Variants in PRKD1 observed in about 807,000 individuals in gnomAD.
PRKD1 encodes protein kinase D1.
In PRKD1, 63 loss-of-function variants were observed where a neutral mutation model predicts 95.9. That is an observed-to-expected ratio of 0.66 (90% CI 0.54 to 0.81). The LOEUF is 0.81. Among genes scored for constraint, PRKD1 ranks in the 30% least tolerant of loss-of-function variants. PRKD1 has a pLI of 0.00. For synonymous variants in PRKD1, 425 were observed against 423.1 expected (o/e 1.00, Z -0.05); for missense variants, 1,048 against 1,165.3 (o/e 0.90, Z 1.47).
chr14:29,742,403 G>A (rs1887018995), intron 1 of PRKD1, among the ~76,000 whole-genome samples: 2 of 152,136 alleles, frequency 1.3e-5, no homozygotes, highest in Admixed American at 1.3e-4. Context: ...TGTATTAAAA[G>A]GGTATCTGCA....
At chr14:29,609,103 C>T (rs1878236151) in intron 13 of PRKD1, among the ~76,000 whole-genome samples, 1 of 152,098 alleles carries the variant, frequency 6.6e-6, no homozygotes, top group African/African-American at 2.4e-5. Flanking sequence ...TCCGAGGATT[C>T]AGAAATTCTC....
At chr14:29,712,190 T>C (rs1460931059) in intron 2 of PRKD1, among the ~76,000 whole-genome samples, 2 of 152,138 alleles carry the variant, frequency 1.3e-5, no homozygotes, top group Admixed American at 6.6e-5. Flanking sequence ...AAGGTAGTTT[T>C]TGGATTTCAT....
At position 29,577,127 on chromosome 14, in the gene PRKD1, C is replaced by T. The variant is rs377013834; in HGVS notation, c.*111G>A. ...ATCAACAGTGCTAACAGTTTAACAG[C>T]TTTGTTCTCATCTGACAGAAAATAA... On this transcript the variant is annotated 3_prime_UTR_variant, in exon 18 of 18. Coordinates refer to ENST00000331968, the MANE Select transcript of PRKD1 (RefSeq NM_002742.3). 518 of 1,139,244 alleles carry T rather than the reference C, an allele frequency of 4.5e-4. No homozygotes were observed. The Middle Eastern group carries it at 4.7e-3, about 10-fold the overall frequency. 70.6% of individuals were successfully genotyped at this position (1,139,244 alleles called of 1,614,324 possible). A position where few individuals can be genotyped will look rare whatever the true frequency, so the allele number is the denominator to read the frequency against.
At chr14:29,671,571 T>C (rs1386305224) in intron 2 of PRKD1, among the ~76,000 whole-genome samples, 2 of 150,072 alleles carry the variant, frequency 1.3e-5, no homozygotes, top group Admixed American at 6.7e-5. Context: ...TTTTTATCTT[T>C]TCTAGAAAAA....
chr14:29,593,143 C>T (rs930816560), intron 16 of PRKD1, among the ~76,000 whole-genome samples: 2 of 152,084 alleles, frequency 1.3e-5, no homozygotes, highest in African/African-American at 2.4e-5. Context: ...AACGAATTCA[C>T]ATATGAGTGT....
chr14:29,883,195 T>C (rs745887476), intron 1 of PRKD1, among the ~76,000 whole-genome samples: 4 of 152,124 alleles, frequency 2.6e-5, no homozygotes, highest in Non-Finnish European at 4.4e-5. Context: ...TATTCATTAT[T>C]GCAAGAACAG....
intron 1 of PRKD1, among the ~76,000 whole-genome samples, chr14:29,787,403 T>G (rs1484874423): frequency 2.6e-5 from 4 of 152,052 alleles, no homozygotes; most frequent in Non-Finnish European, 5.9e-5. Context: ...TCACTCTAGA[T>G]GATCTTTCCA....
In PRKD1 at chr14:29,577,649, C is replaced by T. The variant is rs536164727; in HGVS notation, c.2521-193G>A. Among the ~76,000 whole-genome samples the T allele has an allele frequency of 3.7e-4, 56 of 152,262 alleles. 1 individual carries two copies. Among genetic ancestry groups the T allele is most frequent in the Middle Eastern group, 6.8e-3 (2 of 294 alleles). ...CCTATTTGTCTAACCTTTGCAAATA[C>T]ATACTGTTTATAAGATAGCATGGAT... On this transcript the variant is annotated intron_variant, in intron 17 of 17. Coordinates refer to ENST00000331968, the MANE Select transcript of PRKD1 (RefSeq NM_002742.3).
intron 1 of PRKD1, among the ~76,000 whole-genome samples, chr14:29,734,317 G>A (rs968996408): frequency 5.3e-5 from 8 of 151,842 alleles, no homozygotes; most frequent in Non-Finnish European, 8.8e-5. Flanking sequence ...TGGTATTACG[G>A]GTGTGAGCCA....
chr14:29,817,804 A>T (rs1890751315), intron 1 of PRKD1, among the ~76,000 whole-genome samples: 1 of 152,128 alleles, frequency 6.6e-6, no homozygotes, highest in South Asian at 2.1e-4. Context: ...CCACCCAAAA[A>T]TCCAATAAAG....
chr14:29,578,939 T>C (rs1286234035), intron 16 of PRKD1, among the ~76,000 whole-genome samples: 2 of 152,140 alleles, frequency 1.3e-5, no homozygotes, highest in African/African-American at 2.4e-5. Context: ...GCTTTCACTT[T>C]GCTTTTGCTT....
At chr14:29,630,495 T>TAGTGTAATACAC (rs1323094822) in intron 10 of PRKD1, 1 of 500,908 alleles carries the variant, frequency 2.0e-6, no homozygotes, top group African/African-American at 1.9e-5. Flanking sequence ...GCCTAATACA[T>TAGTGTAATACAC]AGTGTTTACC....
At chr14:29,663,233 A>G (rs1303198644) in intron 4 of PRKD1, among the ~76,000 whole-genome samples, 1 of 150,116 alleles carries the variant, frequency 6.7e-6, no homozygotes, top group East Asian at 2.0e-4. Flanking sequence ...CTTATCAATC[A>G]GTTTTTGACA....
Position 29,638,873 on chromosome 14 carries a change from C to T in PRKD1, c.728G>A (p.Arg243Gln), listed in dbSNP as rs754654624. ...TGATTGAGAATTTGACCTCTTCTCT[C>T]GACCAATAAACGACTCTGATGGTGA... ...QKSPSESFIG[R>Q]EKRSNSQSYI... Residue 243 changes from arginine (R) to glutamine (Q), a missense_variant, in exon 5 of 18, where the codon CGA (arginine) becomes CAA (glutamine). Coordinates refer to ENST00000331968, the MANE Select transcript of PRKD1 (RefSeq NM_002742.3). 8.7e-6 allele frequency: 14 copies of T among 1,613,802 alleles called. No individual in the cohort carries two copies. The highest frequency in any genetic ancestry group is 1.1e-5 in the South Asian group (1 of 91,060).
intron 1 of PRKD1, among the ~76,000 whole-genome samples, chr14:29,772,797 G>A (rs372832380): frequency 2.4e-4 from 36 of 152,168 alleles, no homozygotes; most frequent in African/African-American, 8.4e-4. Flanking sequence ...CAAAAACGAT[G>A]CCCATTTCTC....
At chr14:29,833,491 T>G (rs1234945460) in intron 1 of PRKD1, among the ~76,000 whole-genome samples, 2 of 152,066 alleles carry the variant, frequency 1.3e-5, no homozygotes, top group Non-Finnish European at 2.9e-5. Flanking sequence ...GATGGGCAAC[T>G]TCCCTCCTTT....
chr14:29,881,533 C>T (rs1053481876), intron 1 of PRKD1, among the ~76,000 whole-genome samples: 2 of 152,168 alleles, frequency 1.3e-5, no homozygotes, highest in Non-Finnish European at 2.9e-5. Context: ...CCATCTCTGA[C>T]CCACTCCTTC....
At chr14:29,771,190 C>A (rs549191953) in intron 1 of PRKD1, among the ~76,000 whole-genome samples, 1 of 152,154 alleles carries the variant, frequency 6.6e-6, no homozygotes, top group African/African-American at 2.4e-5. Flanking sequence ...GGCTAAGCAA[C>A]CCTTTGATAA....
chr14:29,615,090 T>A (rs1352193683), intron 13 of PRKD1, among the ~76,000 whole-genome samples: 1 of 152,042 alleles, frequency 6.6e-6, no homozygotes, highest in Non-Finnish European at 1.5e-5. Flanking sequence ...ACACATTACA[T>A]TGAAATATAA....
Sources: gnomAD v4.1 joint callset for allele counts (sites outside exome capture counted in the v4.1 genomes callset) on GRCh38, gnomAD v4.1.1 for gene constraint, MANE v1.5 for transcripts, NCBI Gene and HGNC (gene_info 2026-07-23, HGNC 2026-07-21) for gene names.